The following VRK2 variants were observed in gnomAD, a reference collection of about 807,000 sequenced individuals.
VRK2 encodes the protein VRK serine/threonine kinase 2.
A neutral mutation model predicts 57.6 loss-of-function variants in VRK2; 60 were observed. That is an observed-to-expected ratio of 1.04 (90% CI 0.85 to 1.29). VRK2 has a LOEUF of 1.29. VRK2 is among the 50% of genes most tolerant of loss of function. The pLI, the probability that VRK2 is intolerant of heterozygous loss-of-function variation, is 0.00. For missense variants in VRK2, 705 were observed against 588.1 expected (o/e 1.20, Z -2.06); for synonymous variants, 231 against 199.2 (o/e 1.16, Z -1.35).
intron 1 of VRK2, among the ~76,000 whole-genome samples, chr2:57,916,860 T>G (rs1435647853): frequency 6.6e-6 from 1 of 152,228 alleles, no homozygotes; most frequent in African/African-American, 2.4e-5. Context: ...TAAGTTCTTC[T>G]ACCTTCTGTT....
At chr2:57,945,018 G>A (rs988682668) in intron 1 of VRK2, among the ~76,000 whole-genome samples, 3 of 152,014 alleles carry the variant, frequency 2.0e-5, no homozygotes, top group Admixed American at 1.3e-4. Context: ...ACTCAGCATG[G>A]GCTCAGAAAC....
intron 1 of VRK2, among the ~76,000 whole-genome samples, chr2:57,983,267 T>C (rs1018676540): frequency 6.6e-6 from 1 of 152,188 alleles, no homozygotes; most frequent in Non-Finnish European, 1.5e-5. Flanking sequence ...CCAACAATAC[T>C]GCATTTCTTT....
At chr2:57,976,892 T>C (rs920669222) in intron 1 of VRK2, among the ~76,000 whole-genome samples, 1 of 152,188 alleles carries the variant, frequency 6.6e-6, no homozygotes, top group Non-Finnish European at 1.5e-5. Flanking sequence ...GAGTTGATTT[T>C]TGTATATGGT....
chr2:58,130,628 A>G (rs1679049517), intron 8 of VRK2, among the ~76,000 whole-genome samples: 1 of 152,208 alleles, frequency 6.6e-6, no homozygotes. Flanking sequence ...TTCTTAGTAG[A>G]TGACTTTTTA....
intron 1 of VRK2, among the ~76,000 whole-genome samples, chr2:57,994,583 C>A (rs986634134): frequency 1.3e-5 from 2 of 152,088 alleles, no homozygotes; most frequent in African/African-American, 4.8e-5. Context: ...AGGAATATGG[C>A]AAATACTTCA....
intron 1 of VRK2, among the ~76,000 whole-genome samples, chr2:57,995,150 T>G (rs1326800277): frequency 6.6e-6 from 1 of 152,180 alleles, no homozygotes; most frequent in Non-Finnish European, 1.5e-5. Flanking sequence ...ATCATATCAG[T>G]GAATTTTCCA....
chr2:57,964,563 G>T (rs1288608024), intron 1 of VRK2, among the ~76,000 whole-genome samples: 1 of 152,110 alleles, frequency 6.6e-6, no homozygotes, highest in African/African-American at 2.4e-5. Flanking sequence ...TGTTGTTCAA[G>T]AGCCAAATGT....
At position 58,046,852 on chromosome 2, in the gene VRK2, G is replaced by A. The variant is rs1206770403; in HGVS notation, c.-22G>A. On this transcript the variant is annotated 5_prime_UTR_variant, in exon 1 of 13. Coordinates refer to ENST00000340157, the MANE Select transcript of VRK2 (RefSeq NM_006296.7). ...AGGCGGTGCGCGCGGCCCGGCGACG[G>A]GGGATCCTGAGGCCCGGTCAGTCTC... 3 of 985,282 alleles carry A rather than the reference G, an allele frequency of 3.0e-6. No individual in the cohort carries two copies. The East Asian group carries it at 3.4e-4, about 112-fold the overall frequency. The allele number at this position is 985,282 out of a possible 1,614,324, so 61.0% of individuals were successfully genotyped here. A position where few individuals can be genotyped will look rare whatever the true frequency, so the allele number is the denominator to read the frequency against.
intron 1 of VRK2, among the ~76,000 whole-genome samples, chr2:57,965,992 T>TTA (rs1671905230): frequency 1.3e-5 from 2 of 152,184 alleles, no homozygotes; most frequent in African/African-American, 4.8e-5. Flanking sequence ...TATCTCAAGT[T>TTA]AAAATAACAG....
intron 7 of VRK2, among the ~76,000 whole-genome samples, chr2:58,106,776 A>G (rs1443147447): frequency 6.6e-6 from 1 of 152,096 alleles, no homozygotes; most frequent in Non-Finnish European, 1.5e-5. Flanking sequence ...ACAGCTCACT[A>G]AAAGATAAAA....
At chr2:57,940,425 G>A (rs529460680) in intron 1 of VRK2, among the ~76,000 whole-genome samples, 6 of 152,272 alleles carry the variant, frequency 3.9e-5, no homozygotes, top group Non-Finnish European at 8.8e-5. Context: ...AGGACAATCT[G>A]CTTTACTGAG....
intron 7 of VRK2, among the ~76,000 whole-genome samples, chr2:58,096,357 T>G (rs1052947136): frequency 6.6e-6 from 1 of 152,136 alleles, no homozygotes; most frequent in Non-Finnish European, 1.5e-5. Flanking sequence ...CCATCTGGTC[T>G]TTGAATGTGA....
intron 2 of VRK2, among the ~76,000 whole-genome samples, chr2:58,051,930 A>G (rs1675804111): frequency 6.6e-6 from 1 of 152,228 alleles, no homozygotes; most frequent in South Asian, 2.1e-4. Flanking sequence ...AAAAAGGAAG[A>G]AAGGAAACTG....
At chr2:57,958,427 G>GTGTA (rs1021181697) in intron 1 of VRK2, among the ~76,000 whole-genome samples, 1 of 149,818 alleles carries the variant, frequency 6.7e-6, no homozygotes, top group Non-Finnish European at 1.5e-5. Context: ...GTGTGTGTGT[G>GTGTA]TATATACATG....
At chr2:58,017,466 G>C (rs1673620372) in intron 1 of VRK2, among the ~76,000 whole-genome samples, 1 of 152,120 alleles carries the variant, frequency 6.6e-6, no homozygotes, top group Admixed American at 6.5e-5. Flanking sequence ...TCCCCAATTT[G>C]ATCCCATCCG....
chr2:57,924,401 C>T (rs1004430849), intron 1 of VRK2, among the ~76,000 whole-genome samples: 3 of 151,904 alleles, frequency 2.0e-5, no homozygotes, highest in Admixed American at 6.6e-5. Context: ...TTTCTTACAT[C>T]AGTGTTTTAT....
chr2:58,120,800 G>A (rs1677380010), intron 7 of VRK2, among the ~76,000 whole-genome samples: 1 of 152,178 alleles, frequency 6.6e-6, no homozygotes, highest in Non-Finnish European at 1.5e-5. Context: ...GTCATTGTGG[G>A]AGGTAGGAGC....
intron 1 of VRK2, among the ~76,000 whole-genome samples, chr2:57,984,061 C>G (rs1454472405): frequency 6.6e-6 from 1 of 152,056 alleles, no homozygotes; most frequent in Non-Finnish European, 1.5e-5. Flanking sequence ...CTATAAAGGG[C>G]CACAGAGTAA....
intron 1 of VRK2, among the ~76,000 whole-genome samples, chr2:57,963,687 T>C (rs1671827023): frequency 6.6e-6 from 1 of 152,244 alleles, no homozygotes; most frequent in African/African-American, 2.4e-5. Flanking sequence ...TCAGTCCCAG[T>C]AACAGTGTCT....
Sources: gnomAD v4.1 joint callset for allele counts (sites outside exome capture counted in the v4.1 genomes callset) on GRCh38, gnomAD v4.1.1 for gene constraint, MANE v1.5 for transcripts, NCBI Gene and HGNC (gene_info 2026-07-23, HGNC 2026-07-21) for gene names.